Variants in BIVM observed in about 807,000 individuals in gnomAD.
BIVM encodes the protein basic, immunoglobulin-like variable motif containing, also known as basic immunoglobulin-like variable motif-containing protein.
In BIVM, 31 loss-of-function variants were observed where a neutral mutation model predicts 61.4. That is an observed-to-expected ratio of 0.51 (90% CI 0.38 to 0.68). The LOEUF (loss-of-function observed/expected upper bound fraction) is 0.68, where lower values mean the gene tolerates loss of function less well. BIVM is among the 30% of genes least tolerant of loss of function. BIVM has a pLI of 0.00. For synonymous variants in BIVM, 189 were observed against 210.7 expected, an observed-to-expected ratio of 0.90 and a Z score of 0.89; for missense variants, 526 against 596.0, an observed-to-expected ratio of 0.88 and a Z score of 1.22.
Position 102,822,082 on chromosome 13 carries a change from A to G in BIVM, c.824A>G (p.Asn275Ser), listed in dbSNP as rs761579996. ...ACTTTCAGGTGGTTTAGACAAATTA[A>G]TGACCACTTCCATGTAAAAGGATGC... is the stretch of plus-strand genomic sequence containing the variant. Reference protein sequence around the residue: ...TTLMRWFRQINDHFHVKGCSY... With the variant: ...TTLMRWFRQISDHFHVKGCSY... Residue 275 changes from asparagine to serine, a missense_variant, in exon 7 of 11, where the codon AAT becomes AGT. Transcript: ENST00000257336. 1 of 1,614,018 alleles carries G rather than the reference A, an allele frequency of 6.2e-7. No individual in the cohort carries two copies. The highest frequency in any genetic ancestry group is 8.5e-7 in the Non-Finnish European group (1 of 1,180,006).
chr13:102,820,992 T>C (rs780926570), intron 4 of BIVM, 45 bp from the exon 5 acceptor site: 8 of 1,561,758 alleles, frequency 5.1e-6, no homozygotes, highest in Non-Finnish European at 7.0e-6. Flanking sequence ...AGCATGCATA[T>C]TTTGTGTTCA....
At chr13:102,831,396 AT>A (rs1881058051) in intron 7 of BIVM, among the ~76,000 whole-genome samples, 168 bp from the exon 8 acceptor site, 1 of 152,248 alleles carries the variant, frequency 6.6e-6, no homozygotes, top group South Asian at 2.1e-4. Context: ...AACAGAATAC[AT>A]TTATTAACAT....
At chr13:102,826,292 T>G (rs888518514) in intron 7 of BIVM, among the ~76,000 whole-genome samples, 3 of 152,220 alleles carry the variant, frequency 2.0e-5, no homozygotes, top group South Asian at 2.1e-4. Context: ...GTGCTAGATC[T>G]GCCCTGCTTT....
chr13:102,809,806 G>C (rs1287626447), intron 3 of BIVM, among the ~76,000 whole-genome samples: 1 of 134,968 alleles, frequency 7.4e-6, no homozygotes, highest in African/African-American at 2.7e-5. Flanking sequence ...TTTTTTCTGA[G>C]ACAGAGTCTC....
chr13:102,836,539 C>T, intron 9 of BIVM, among the ~76,000 whole-genome samples: 1 of 152,202 alleles, frequency 6.6e-6, no homozygotes, highest in South Asian at 2.1e-4. Context: ...GTTTCAAACT[C>T]CTGGACTCAA....
At chr13:102,803,508 A>G (rs1878873132) in intron 1 of BIVM, among the ~76,000 whole-genome samples, 1 of 152,100 alleles carries the variant, frequency 6.6e-6, no homozygotes, top group Non-Finnish European at 1.5e-5. Context: ...ATTTAAAAAA[A>G]TCAAATCAAA....
At position 102,834,511 on chromosome 13, in the gene BIVM, T is replaced by A. The variant is rs766712133; in HGVS notation, c.1080T>A (p.Ile360=). ...AGGAAGTTGAATATTGGATCTTAAT[T>A]GGAGAATCAAGTAGAAAACATCCTG... The part of the protein sequence containing the change: ...SPQEVEYWIL[I]GESSRKHPAI... Residue 360 remains isoleucine (I), a synonymous_variant, in exon 9 of 11, where the codon ATT becomes ATA. Coordinates refer to ENST00000257336, the MANE Select transcript of BIVM (RefSeq NM_017693.4). 6.3e-7 allele frequency: 1 copy of A among 1,593,616 alleles called. No homozygotes were observed. The highest frequency in any genetic ancestry group is 8.5e-7 in the Non-Finnish European group (1 of 1,174,100).
chr13:102,829,386 C>T (rs1814949399), intron 7 of BIVM, among the ~76,000 whole-genome samples: 1 of 152,106 alleles, frequency 6.6e-6, no homozygotes, highest in Non-Finnish European at 1.5e-5. Context: ...CATGGCTCTG[C>T]ATTTGGTGGT....
intron 3 of BIVM, among the ~76,000 whole-genome samples, chr13:102,810,968 C>T (rs1027539789): frequency 6.6e-6 from 1 of 152,256 alleles, no homozygotes; most frequent in East Asian, 1.9e-4. Flanking sequence ...TGGGCTCAAG[C>T]AATCCTCCTG....
At chr13:102,831,925 GTCCCAGCTAC>G (rs1881114755) in intron 8 of BIVM, among the ~76,000 whole-genome samples, 1 of 149,238 alleles carries the variant, frequency 6.7e-6, no homozygotes. Context: ...GGCGCCTGTA[GTCCCAGCTAC>G]TCGGGAGGCT....
At chr13:102,822,337 G>T (rs1306238230) in intron 7 of BIVM, among the ~76,000 whole-genome samples, 178 bp downstream of exon 7, 3 of 152,172 alleles carry the variant, frequency 2.0e-5, no homozygotes, top group African/African-American at 7.2e-5. Context: ...TTAATAAGCA[G>T]TTTAATATTT....
intron 6 of BIVM, 97 bp from the exon 7 acceptor site, chr13:102,821,968 A>T (rs1464705894): frequency 3.3e-5 from 51 of 1,536,746 alleles, no homozygotes; most frequent in Non-Finnish European, 4.1e-5. Context: ...TCATAGGTAT[A>T]CCAACTTTGG....
chr13:102,810,969 A>T (rs951597532), intron 3 of BIVM, among the ~76,000 whole-genome samples: 1 of 152,172 alleles, frequency 6.6e-6, no homozygotes, highest in East Asian at 1.9e-4. Flanking sequence ...GGGCTCAAGC[A>T]ATCCTCCTGC....
chr13:102,805,219 A>G (rs1218306673), intron 1 of BIVM, 88 bp from the exon 2 acceptor site: 1 of 152,194 alleles, frequency 6.6e-6, no homozygotes, highest in Non-Finnish European at 1.5e-5. Flanking sequence ...GGATGGTTCA[A>G]TTCACCAAGG....
intron 7 of BIVM, among the ~76,000 whole-genome samples, chr13:102,829,846 A>G (rs1880943056): frequency 6.9e-6 from 1 of 145,440 alleles, no homozygotes; most frequent in African/African-American, 2.5e-5. Context: ...CTCAAAAAAT[A>G]AAATAAAATA....
chr13:102,813,035 C>T (rs554076525), intron 3 of BIVM, among the ~76,000 whole-genome samples: 3 of 152,264 alleles, frequency 2.0e-5, no homozygotes, highest in East Asian at 1.9e-4. Flanking sequence ...CTGAAATTGA[C>T]CAAAATTTGC....
chr13:102,812,687 T>C (rs1879580566), intron 3 of BIVM, among the ~76,000 whole-genome samples: 1 of 152,152 alleles, frequency 6.6e-6, no homozygotes, highest in African/African-American at 2.4e-5. Flanking sequence ...ATACTGTTTT[T>C]GAAATGTCTG....
At chr13:102,811,128 A>C (rs1879465355) in intron 3 of BIVM, among the ~76,000 whole-genome samples, 1 of 152,222 alleles carries the variant, frequency 6.6e-6, no homozygotes, top group African/African-American at 2.4e-5. Context: ...TAACAAAATA[A>C]CACTGGCTTT....
At chr13:102,826,450 T>C (rs1880676564) in intron 7 of BIVM, among the ~76,000 whole-genome samples, 1 of 152,246 alleles carries the variant, frequency 6.6e-6, no homozygotes, top group African/African-American at 2.4e-5. Flanking sequence ...ACATTGCCTT[T>C]TACATTATAA....
Sources: allele counts gnomAD v4.1 joint callset (sites outside exome capture counted in the v4.1 genomes callset), GRCh38; gene constraint gnomAD v4.1.1; transcripts MANE v1.5; gene names NCBI Gene and HGNC (gene_info 2026-07-23, HGNC 2026-07-21).